MACF1: variants seen among roughly 807,000 people sequenced by gnomAD.
The protein encoded by MACF1 is microtubule actin crosslinking factor 1.
Under a neutral mutation model 854.8 loss-of-function variants are expected in MACF1, and 193 were observed. The ratio of observed to expected loss-of-function variants is 0.23; its 90% CI spans 0.20 to 0.25. The LOEUF (loss-of-function observed/expected upper bound fraction) is 0.25, where lower values mean the gene tolerates loss of function less well. Ranked by LOEUF, MACF1 falls within the 10% of genes least tolerant of loss-of-function variation. The probability of loss-of-function intolerance (pLI) is 1.00; values close to 1 mark genes in which losing one functional copy is unlikely to be tolerated. For missense variants in MACF1, 7,722 were observed against 8,929.1 expected, an observed-to-expected ratio of 0.86 and a Z score of 5.45; for synonymous variants, 3,185 against 3,226.7, an observed-to-expected ratio of 0.99 and a Z score of 0.44.
At chr1:39,132,625 T>C (rs1643030454) in intron 2 of MACF1, among the ~76,000 whole-genome samples, 1 of 152,184 alleles carries the variant, frequency 6.6e-6, no homozygotes, top group Admixed American at 6.5e-5. Flanking sequence ...GCTGATTTCC[T>C]GTCTCTACAG....
At chr1:39,113,312 A>AG (rs1239542465) in intron 2 of MACF1, among the ~76,000 whole-genome samples, 2 of 152,278 alleles carry the variant, frequency 1.3e-5, no homozygotes, top group Non-Finnish European at 2.9e-5. Flanking sequence ...TAAAAAGCAC[A>AG]GAAAAAAAAA....
chr1:39,143,346 G>T (rs1393087167), intron 2 of MACF1, among the ~76,000 whole-genome samples: 1 of 152,190 alleles, frequency 6.6e-6, no homozygotes, highest in African/African-American at 2.4e-5. Flanking sequence ...ACACTTTCTG[G>T]TGGCAATGTC....
intron 35 of MACF1, among the ~76,000 whole-genome samples, chr1:39,325,106 T>C (rs1414878865): frequency 1.3e-5 from 2 of 152,202 alleles, no homozygotes; most frequent in East Asian, 1.9e-4. Flanking sequence ...ATGGGTGTGG[T>C]TACACATGAA....
chr1:39,160,075 G>A (rs762146630), intron 2 of MACF1, among the ~76,000 whole-genome samples: 7 of 152,128 alleles, frequency 4.6e-5, no homozygotes, highest in Non-Finnish European at 8.8e-5. Context: ...AACACTTTGG[G>A]AGGCTGAGAT....
chr1:39,344,912 T>G (rs1268152192), intron 40 of MACF1, among the ~76,000 whole-genome samples: 2 of 152,064 alleles, frequency 1.3e-5, no homozygotes, highest in Admixed American at 1.3e-4. Flanking sequence ...TTTAGAGAGA[T>G]GGTTGAACAA....
Position 39,430,029 on chromosome 1 carries a change from C to G in MACF1, c.17091C>G (p.Pro5697=). 1 of 1,613,798 alleles carries G rather than the reference C, an allele frequency of 6.2e-7. No individual in the cohort carries two copies. The highest frequency in any genetic ancestry group is 8.5e-7 in the Non-Finnish European group (1 of 1,179,880). The part of the protein sequence containing the change: ...EELATSGGQS[P]TGEQIPQFQQ... ...TGGCAACCAGTGGAGGACAGTCTCCCACAGGGGAACAGATACCCCAGTTTC... is the reference window on the plus strand; with the variant it reads ...TGGCAACCAGTGGAGGACAGTCTCCGACAGGGGAACAGATACCCCAGTTTC... The change falls in exon 65 of 101, where the codon CCC becomes CCG. Residue 5697 remains proline (P), a synonymous_variant. Coordinates refer to ENST00000564288, the MANE Select transcript of MACF1 (RefSeq NM_001394062.1).
At chr1:39,405,898 G>A (rs1416086883) in intron 58 of MACF1, among the ~76,000 whole-genome samples, 1 of 149,704 alleles carries the variant, frequency 6.7e-6, no homozygotes, top group Admixed American at 6.6e-5. Flanking sequence ...TTTTTTTGTA[G>A]CTATCAGGGC....
intron 1 of MACF1, among the ~76,000 whole-genome samples, chr1:39,207,623 A>G (rs1238384160): frequency 6.6e-6 from 1 of 152,126 alleles, no homozygotes; most frequent in Non-Finnish European, 1.5e-5. Context: ...ACTGGCTTTG[A>G]AACAAATATT....
chr1:39,131,764 A>G (rs1307600871), intron 2 of MACF1, among the ~76,000 whole-genome samples: 1 of 152,200 alleles, frequency 6.6e-6, no homozygotes, highest in Non-Finnish European at 1.5e-5. Flanking sequence ...TGTGGATATG[A>G]TATAGAGAAT....
Position 39,334,574 on chromosome 1 carries a change from A to G in MACF1, c.7986A>G (p.Lys2662=). 6.2e-7 allele frequency: 1 copy of G among 1,614,130 alleles called. No individual in the cohort carries two copies. Among genetic ancestry groups the G allele is most frequent in the African/African-American group, 1.3e-5 (1 of 75,068 alleles). ...FSDIKDGVSD[K]VLTLSQAIQL... ...ACATTAAAGATGGGGTGAGCGACAA[A>G]GTGCTTACATTGTCTCAAGCAATTC... The change falls in exon 37 of 101, where the codon AAA becomes AAG. Residue 2662 remains lysine (K), a synonymous_variant. Transcript: ENST00000564288.
At chr1:39,274,404 T>C (rs1215635076) in intron 6 of MACF1, among the ~76,000 whole-genome samples, 1 of 152,196 alleles carries the variant, frequency 6.6e-6, no homozygotes, top group East Asian at 1.9e-4. Context: ...TGGAAAATAT[T>C]CTGAAGAAAA....
chr1:39,219,476 C>T (rs1644622467), intron 1 of MACF1, among the ~76,000 whole-genome samples: 2 of 152,324 alleles, frequency 1.3e-5, no homozygotes, highest in South Asian at 4.1e-4. Context: ...GCACCTGATA[C>T]ATAATAAACA....
rs80167665 is a variant in MACF1 at position 39,432,193 on chromosome 1, A to G, written c.17338-342A>G. Among the ~76,000 whole-genome samples the G allele has an allele frequency of 5.8e-3, 887 of 152,316 alleles. 7 individuals carry two copies. Among genetic ancestry groups the G allele is most frequent in the Middle Eastern group, 0.017 (5 of 294 alleles). The stretch of plus-strand genomic sequence containing the variant: ...ATTTAAACATCTGACTAAACCTACT[A>G]CTGTTCCATGTCTGGGTAGGAAAGA... On this transcript the variant is annotated intron_variant, in intron 66 of 100. Transcript: ENST00000564288.
chr1:39,381,957 C>T lies in MACF1; in HGVS notation c.13653C>T (p.Ser4551=), dbSNP rs760424795. ...NWKKIQEELN[S]RWERATEVTV... is the part of the protein sequence containing the mutation. ...TCCCTCATTTCCTCTCTACAGATTC[C>T]CGATGGGAAAGGGCCACTGAGGTTA... The change falls in exon 56 of 101, where the codon TCC becomes TCT. Residue 4551 remains serine (S), a synonymous_variant. Transcript: ENST00000564288. 7 of 1,613,172 alleles carry T rather than the reference C, an allele frequency of 4.3e-6. No homozygotes were observed. In the South Asian group the frequency reaches 4.4e-5, roughly 10 times the overall value.
Position 39,437,960 on chromosome 1 carries a change from G to A in MACF1, c.18172G>A (p.Glu6058Lys). 6.2e-7 allele frequency: 1 copy of A among 1,614,134 alleles called. No individual in the cohort carries two copies. Among genetic ancestry groups the A allele is most frequent in the East Asian group, 2.2e-5 (1 of 44,864 alleles). ...TGAGGCCTTGAAGCGCCGTGGAGAG[G>A]AGCTTATTGGACGATCTCAGGGAGC... The part of the protein sequence containing the change: ...SFEALKRRGE[E>K]LIGRSQGADK... The change falls in exon 71 of 101, where the codon GAG becomes AAG. Residue 6058 changes from glutamate to lysine, a missense_variant. Glu to Lys is a moderately conservative substitution (Grantham distance 56, BLOSUM62 1). This residue lies in a region of MACF1 where 2,807 missense variants were observed against 3,235.8 expected (regional missense o/e 0.87). Transcript: ENST00000564288.
chr1:39,177,114 A>G (rs1644039534), intron 2 of MACF1, among the ~76,000 whole-genome samples: 1 of 152,118 alleles, frequency 6.6e-6, no homozygotes, highest in South Asian at 2.1e-4. Context: ...TCATCAGACT[A>G]GAGGTTTGAG....
At chr1:39,421,055 C>T (rs571342788) in intron 58 of MACF1, among the ~76,000 whole-genome samples, 1 of 152,100 alleles carries the variant, frequency 6.6e-6, no homozygotes, top group South Asian at 2.1e-4. Flanking sequence ...TTAGTAGAGA[C>T]AGGGTTTCAC....
intron 2 of MACF1, among the ~76,000 whole-genome samples, chr1:39,187,930 C>CCCTTT (rs1644197744): frequency 2.1e-5 from 3 of 141,772 alleles, no homozygotes; most frequent in Non-Finnish European, 4.6e-5. Context: ...TCCTTCTTTC[C>CCCTTT]CCTTTCCCTT....
intron 2 of MACF1, among the ~76,000 whole-genome samples, chr1:39,135,221 A>T (rs1421655332): frequency 1.3e-5 from 2 of 152,004 alleles, no homozygotes; most frequent in Non-Finnish European, 2.9e-5. Flanking sequence ...TAATATGATT[A>T]TTTTTGGGTT....
Sources: gnomAD v4.1 joint callset for allele counts (sites outside exome capture counted in the v4.1 genomes callset) on GRCh38, gnomAD v4.1.1 for gene constraint, gnomAD v4.1.1 regional missense constraint, MANE v1.5 for transcripts, NCBI Gene and HGNC (gene_info 2026-07-23, HGNC 2026-07-21) for gene names.